Variants in DNAJC15 observed in about 807,000 individuals in gnomAD.
DNAJC15 encodes the protein dnaJ homolog subfamily C member 15.
In DNAJC15, 27 loss-of-function variants were observed where a neutral mutation model predicts 22.4. That is an observed-to-expected ratio of 1.20 (90% CI 0.89 to 1.66). The LOEUF is 1.66. Among genes scored for constraint, DNAJC15 ranks in the 40% most tolerant of loss-of-function variants. The pLI is 0.00. For synonymous variants in DNAJC15, 79 were observed against 63.2 expected (o/e 1.25, Z -1.19); for missense variants, 208 against 187.1 (o/e 1.11, Z -0.65).
chr13:43,085,812 T>A lies in DNAJC15; in HGVS notation c.356T>A (p.Val119Asp), dbSNP rs746937885. Reference protein sequence around the residue: ...KAKIRTAHRRVMILNHPDKGG... With the variant: ...KAKIRTAHRRDMILNHPDKGG... ...AAGATTAGAACAGCTCATAGGAGAG[T>A]CATGATTTTGAATCACCCAGATAAA... The change falls in exon 5 of 6, where the codon GTC becomes GAC. Residue 119 changes from valine to aspartate, a missense_variant. Coordinates refer to ENST00000379221, the MANE Select transcript of DNAJC15 (RefSeq NM_013238.3). 6.2e-7 allele frequency: 1 copy of A among 1,613,476 alleles called. No individual in the cohort carries two copies. Among genetic ancestry groups the A allele is most frequent in the Non-Finnish European group, 8.5e-7 (1 of 1,179,810 alleles).
chr13:43,075,836 G>A (rs2040631389), intron 3 of DNAJC15, among the ~76,000 whole-genome samples: 1 of 152,060 alleles, frequency 6.6e-6, no homozygotes, highest in Non-Finnish European at 1.5e-5. Flanking sequence ...CTAAGTTTTT[G>A]TATCTTTAGT....
rs945770975 is a variant in DNAJC15 at position 43,111,583 on chromosome 13, G to C, written c.*4335G>C. 2.0e-5 allele frequency: 3 copies of C among 152,148 alleles called. No individual in the cohort carries two copies. The highest frequency in any genetic ancestry group is 7.2e-5 in the African/African-American group (3 of 41,434). 9.4% of individuals were successfully genotyped at this position (152,148 alleles called of 1,614,324 possible). A position where few individuals can be genotyped will look rare whatever the true frequency, so the allele number is the denominator to read the frequency against. ...TTGTGGGAGAAGATGAATCAGCCAGGCTCTTTACGTCAAGAATATGAAGTT... is the reference window on the plus strand; with the variant it reads ...TTGTGGGAGAAGATGAATCAGCCAGCCTCTTTACGTCAAGAATATGAAGTT... On this transcript the variant is annotated 3_prime_UTR_variant, in exon 6 of 6. Transcript: ENST00000379221.
intron 5 of DNAJC15, among the ~76,000 whole-genome samples, chr13:43,095,131 T>G (rs1425528210): frequency 6.6e-6 from 1 of 152,178 alleles, no homozygotes; most frequent in East Asian, 1.9e-4. Context: ...TGAGACAGTA[T>G]GACAAATTAA....
In DNAJC15 at chr13:43,107,284, G is replaced by C. The variant is rs779711541; in HGVS notation, c.*36G>C. On this transcript the variant is annotated 3_prime_UTR_variant, in exon 6 of 6. Coordinates refer to ENST00000379221, the MANE Select transcript of DNAJC15 (RefSeq NM_013238.3). ...CCACACTGAAGGAAAAAAAAAGAGG[G>C]GACTTCGAAAAAAAAAAAAGCCCTG... 2.0e-6 allele frequency: 3 copies of C among 1,479,682 alleles called. No homozygotes were observed. Among genetic ancestry groups the C allele is most frequent in the Admixed American group, 2.7e-5 (1 of 37,628 alleles). 91.7% of individuals were successfully genotyped at this position (1,479,682 alleles called of 1,614,324 possible). A position where few individuals can be genotyped will look rare whatever the true frequency, so the allele number is the denominator to read the frequency against.
intron 1 of DNAJC15, among the ~76,000 whole-genome samples, chr13:43,052,633 C>T (rs1231668604): frequency 6.6e-6 from 1 of 152,180 alleles, no homozygotes; most frequent in African/African-American, 2.4e-5. Flanking sequence ...CCAGGCTGGT[C>T]TCGAACTCCC....
intron 1 of DNAJC15, among the ~76,000 whole-genome samples, chr13:43,024,430 G>T (rs112258224): frequency 0.28 from 38,764 of 137,944 alleles, 5,172 homozygotes; most frequent in African/African-American, 0.37. Context: ...TGCAAGCTCC[G>T]CCTCCCGGTT....
At chr13:43,097,804 G>A (rs1160500306) in intron 5 of DNAJC15, among the ~76,000 whole-genome samples, 2 of 152,148 alleles carry the variant, frequency 1.3e-5, no homozygotes, top group African/African-American at 4.8e-5. Flanking sequence ...GGGCGTGGTG[G>A]CACATGCCTG....
intron 1 of DNAJC15, among the ~76,000 whole-genome samples, chr13:43,063,056 C>G (rs2040566363): frequency 6.6e-6 from 1 of 152,122 alleles, no homozygotes; most frequent in African/African-American, 2.4e-5. Context: ...GTCGCCCAGG[C>G]TGGAGTGCAG....
chr13:43,068,801 G>T, intron 2 of DNAJC15, 129 bp from the exon 3 acceptor site: 1 of 716,014 alleles, frequency 1.4e-6, no homozygotes, highest in Non-Finnish European at 2.0e-6. Flanking sequence ...CATCTTTCTG[G>T]TAAGTTTTGA....
At chr13:43,027,586 A>G (rs2040386085) in intron 1 of DNAJC15, among the ~76,000 whole-genome samples, 1 of 152,264 alleles carries the variant, frequency 6.6e-6, no homozygotes, top group Admixed American at 6.5e-5. Context: ...AACATGATTT[A>G]AAACATGTTT....
At chr13:43,045,569 A>G (rs2040473330) in intron 1 of DNAJC15, among the ~76,000 whole-genome samples, 1 of 152,198 alleles carries the variant, frequency 6.6e-6, no homozygotes, top group African/African-American at 2.4e-5. Context: ...GGAGTTTCAC[A>G]ATGTTCTTCC....
intron 1 of DNAJC15, among the ~76,000 whole-genome samples, chr13:43,051,898 C>T (rs1000001561): frequency 3.3e-5 from 5 of 152,082 alleles, no homozygotes; most frequent in African/African-American, 1.2e-4. Flanking sequence ...ACTAGTTTAC[C>T]TTCCTACCAG....
chr13:43,043,125 AT>A (rs1329106488), intron 1 of DNAJC15, among the ~76,000 whole-genome samples: 1 of 152,016 alleles, frequency 6.6e-6, no homozygotes, highest in African/African-American at 2.4e-5. Flanking sequence ...GTTTATTTTT[AT>A]TTTTTTGAAA....
chr13:43,053,086 AGAGAT>A (rs1166869712), intron 1 of DNAJC15, among the ~76,000 whole-genome samples: 1 of 152,178 alleles, frequency 6.6e-6, no homozygotes, highest in Non-Finnish European at 1.5e-5. Flanking sequence ...GTATAAGGTG[AGAGAT>A]GAGGATCCAG....
chr13:43,051,855 A>G (rs2040505974), intron 1 of DNAJC15, among the ~76,000 whole-genome samples: 1 of 152,160 alleles, frequency 6.6e-6, no homozygotes, highest in South Asian at 2.1e-4. Flanking sequence ...TAGTTCTTTA[A>G]GGAATCTTCA....
chr13:43,025,882 C>T (rs189692513), intron 1 of DNAJC15, among the ~76,000 whole-genome samples: 7 of 152,186 alleles, frequency 4.6e-5, no homozygotes, highest in African/African-American at 7.2e-5. Flanking sequence ...CCAGCCTGGG[C>T]GACAGAGCGA....
intron 4 of DNAJC15, among the ~76,000 whole-genome samples, chr13:43,081,752 A>T (rs1160915686): frequency 1.3e-5 from 2 of 152,076 alleles, no homozygotes; most frequent in Admixed American, 1.3e-4. Flanking sequence ...ATGATTTTTA[A>T]GCTTTCTAAA....
rs1455866818 is a variant in DNAJC15, at chr13:43,111,076, A to G, written c.*3828A>G. The G allele has an allele frequency of 6.6e-6, 1 of 152,240 alleles. No homozygotes were observed. Among genetic ancestry groups the G allele is most frequent in the Non-Finnish European group, 1.5e-5 (1 of 68,048 alleles). 9.4% of individuals were successfully genotyped at this position (152,240 alleles called of 1,614,324 possible). A position where few individuals can be genotyped will look rare whatever the true frequency, so the allele number is the denominator to read the frequency against. On this transcript the variant is annotated 3_prime_UTR_variant, in exon 6 of 6. Coordinates refer to ENST00000379221, the MANE Select transcript of DNAJC15 (RefSeq NM_013238.3). Reference sequence around the variant, plus strand: ...GTGTAAGTCAAGGACAGTTAATTCAAGGGGAACATAGAAAGCTATTTAGAT... The same window carrying G: ...GTGTAAGTCAAGGACAGTTAATTCAGGGGGAACATAGAAAGCTATTTAGAT...
At chr13:43,082,896 A>T (rs1005376472) in intron 4 of DNAJC15, among the ~76,000 whole-genome samples, 1 of 151,466 alleles carries the variant, frequency 6.6e-6, no homozygotes, top group South Asian at 2.1e-4. Context: ...ATGTGTGTAT[A>T]TATATGTGTG....
Sources: allele counts gnomAD v4.1 joint callset (sites outside exome capture counted in the v4.1 genomes callset), GRCh38; gene constraint gnomAD v4.1.1; transcripts MANE v1.5; gene names NCBI Gene and HGNC (gene_info 2026-07-23, HGNC 2026-07-21).